TET2: variants seen among roughly 807,000 people sequenced by gnomAD.
TET2 encodes the protein methylcytosine dioxygenase TET2.
Under a neutral mutation model 142.9 loss-of-function variants are expected in TET2, and 299 were observed. The observed-to-expected ratio is 2.09, with a 90% CI of 1.90 to 2.30. The LOEUF (loss-of-function observed/expected upper bound fraction) is 2.30, where lower values mean the gene tolerates loss of function less well. Among genes scored for constraint, TET2 ranks in the 30% most tolerant of loss-of-function variants. TET2 has a pLI of 0.00. For synonymous variants in TET2, 819 were observed against 849.0 expected (o/e 0.96, Z 0.61); for missense variants, 2,418 against 2,378.0 (o/e 1.02, Z -0.35).
chr4:105,275,791 C>CA lies in TET2; in HGVS notation c.5282dup (p.His1761GlnfsTer5), dbSNP rs1731188777. 1 of 1,551,592 alleles carries CA rather than the reference C, an allele frequency of 6.4e-7. No individual in the cohort carries two copies. Among genetic ancestry groups the CA allele is most frequent in the Non-Finnish European group, 8.7e-7 (1 of 1,146,990 alleles). On this transcript the variant is annotated frameshift_variant, in exon 11 of 11. Transcript: ENST00000380013. LOFTEE classifies it low-confidence loss of function (END_TRUNC). ...AAATGGTGAACATCATTCACCTTCTCACATAATCCATAACTACAGTGCAGC... is the reference window on the plus strand; with the variant it reads ...AAATGGTGAACATCATTCACCTTCTCAACATAATCCATAACTACAGTGCAGC...
At chr4:105,157,088 C>G (rs1000349534) in intron 1 of TET2, among the ~76,000 whole-genome samples, 4 of 152,038 alleles carry the variant, frequency 2.6e-5, no homozygotes, top group African/African-American at 9.7e-5. Flanking sequence ...TGTGCACTCT[C>G]CTATATACAT....
At chr4:105,245,091 T>C (rs757170778) in intron 6 of TET2, among the ~76,000 whole-genome samples, 1 of 152,246 alleles carries the variant, frequency 6.6e-6, no homozygotes, top group Non-Finnish European at 1.5e-5. Flanking sequence ...ATGGTTTTAC[T>C]AAATTTATGT....
In TET2 at chr4:105,276,577, G is replaced by A; in HGVS notation, c.*58G>A. On this transcript the variant is annotated 3_prime_UTR_variant, in exon 11 of 11. Transcript: ENST00000380013. Reference sequence around the variant, plus strand: ...AAAGACCACAACCAACCTGTCAGTAGTATAGTTCTCATGACGTGGGCAGTG... The same window carrying A: ...AAAGACCACAACCAACCTGTCAGTAATATAGTTCTCATGACGTGGGCAGTG... 6.7e-7 allele frequency: 1 copy of A among 1,492,172 alleles called. No individual in the cohort carries two copies. The highest frequency in any genetic ancestry group is 9.0e-7 in the Non-Finnish European group (1 of 1,115,286). The allele number at this position is 1,492,172 out of a possible 1,614,324, so 92.4% of individuals were successfully genotyped here.
chr4:105,237,240 G>C lies in TET2; in HGVS notation c.3298G>C (p.Val1100Leu). 1 of 1,614,056 alleles carries C rather than the reference G, an allele frequency of 6.2e-7. No individual in the cohort carries two copies. The highest frequency in any genetic ancestry group is 8.5e-7 in the Non-Finnish European group (1 of 1,179,994). The change falls in exon 3 of 11, where the codon GTT becomes CTT. Residue 1100 changes from valine (V) to leucine (L), a missense_variant. Val to Leu is a conservative substitution (Grantham distance 32). Coordinates refer to ENST00000380013, the MANE Select transcript of TET2 (RefSeq NM_001127208.3). ...ACCAACCAAAAGAACAGCTGCTTCT[G>C]TTCTCAATAATTTTATAGAGTCACC... is the stretch of plus-strand genomic sequence containing the variant. ...KTPTKRTAASVLNNFIESPSK... is the reference protein window; with the variant it reads ...KTPTKRTAASLLNNFIESPSK...
At position 105,243,684 on chromosome 4, in the gene TET2, C is replaced by T. The variant is rs926911175; in HGVS notation, c.3709C>T (p.Pro1237Ser). 1 of 1,551,494 alleles carries T rather than the reference C, an allele frequency of 6.4e-7. No individual in the cohort carries two copies. Among genetic ancestry groups the T allele is most frequent in the Non-Finnish European group, 8.7e-7 (1 of 1,146,944 alleles). ...VILILVWEGI[P>S]LSLADKLYSE... ...TCTCATCCTGGTGTGGGAAGGAATC[C>T]CGCTGTCTCTGGCTGACAAACTCTA... The change falls in exon 6 of 11, where the codon CCG becomes TCG. Residue 1237 changes from proline (P) to serine (S), a missense_variant. By Grantham distance (74) the Pro-to-Ser change is moderately conservative. Transcript: ENST00000380013.
At chr4:105,196,559 A>G (rs1726107330) in intron 2 of TET2, among the ~76,000 whole-genome samples, 1 of 152,128 alleles carries the variant, frequency 6.6e-6, no homozygotes, top group African/African-American at 2.4e-5. Context: ...CCTCCTTACT[A>G]TATTGTCCCT....
rs375150205 is a variant in TET2 at position 105,275,568 on chromosome 4, C to T, written c.5058C>T (p.Ser1686=). Residue 1686 remains serine, a synonymous_variant, in exon 11 of 11, where the codon AGC becomes AGT. Coordinates refer to ENST00000380013, the MANE Select transcript of TET2 (RefSeq NM_001127208.3). ...TTTACCAGCCAAGGTTTGGAAATAG[C>T]CAGAGTTTTACATCTAAATACTTAG... is the stretch of plus-strand genomic sequence containing the variant. ...HTLYQPRFGN[S]QSFTSKYLGY... is the part of the protein sequence containing the mutation. 1.0e-4 allele frequency: 158 copies of T among 1,551,666 alleles called. No individual in the cohort carries two copies. Among genetic ancestry groups the T allele is most frequent in the Middle Eastern group, 5.0e-4 (3 of 5,992 alleles).
chr4:105,235,278 T>C lies in TET2; in HGVS notation c.1336T>C (p.Leu446=). The C allele has an allele frequency of 6.2e-7, 1 of 1,613,976 alleles. No homozygotes were observed. The highest frequency in any genetic ancestry group is 8.5e-7 in the Non-Finnish European group (1 of 1,179,966). ...CCCCAACCAAAGTAACACAACACTT[T>C]TAAGGGAAGTGAAAATAGAGGGTAA... The part of the protein sequence containing the change: ...HYPNQSNTTL[L]REVKIEGKPE... The change falls in exon 3 of 11, where the codon TTA becomes CTA. Residue 446 remains leucine (L), a synonymous_variant. Coordinates refer to ENST00000380013, the MANE Select transcript of TET2 (RefSeq NM_001127208.3).
chr4:105,253,139 G>A (rs1029271330), intron 6 of TET2, among the ~76,000 whole-genome samples: 3 of 152,068 alleles, frequency 2.0e-5, no homozygotes, highest in Non-Finnish European at 2.9e-5. Context: ...AGTAAAAAAA[G>A]CAGTCTGAAA....
intron 2 of TET2, among the ~76,000 whole-genome samples, chr4:105,213,991 TG>T (rs1483964550): frequency 2.0e-5 from 3 of 152,250 alleles, no homozygotes; most frequent in East Asian, 3.9e-4. Flanking sequence ...CCCGAGTAGC[TG>T]GGACTATACC....
chr4:105,163,518 A>C (rs983332128), intron 1 of TET2, among the ~76,000 whole-genome samples: 30 of 152,316 alleles, frequency 2.0e-4, no homozygotes, highest in African/African-American at 7.0e-4. Context: ...AATAATAGCT[A>C]CTATTGATTA....
At chr4:105,166,514 TCTC>T (rs1724157519) in intron 1 of TET2, among the ~76,000 whole-genome samples, 1 of 152,000 alleles carries the variant, frequency 6.6e-6, no homozygotes, top group Non-Finnish European at 1.5e-5. Context: ...TAGAGTTTCT[TCTC>T]ATTTTTCTCC....
At position 105,236,000 on chromosome 4, in the gene TET2, A is replaced by G. The variant is rs1728859933; in HGVS notation, c.2058A>G (p.Arg686=). The G allele has an allele frequency of 6.2e-7, 1 of 1,614,072 alleles. No homozygotes were observed. The highest frequency in any genetic ancestry group is 8.5e-7 in the Non-Finnish European group (1 of 1,180,044). The change falls in exon 3 of 11, where the codon AGA becomes AGG. Residue 686 remains arginine (R), a synonymous_variant. Coordinates refer to ENST00000380013, the MANE Select transcript of TET2 (RefSeq NM_001127208.3). ...GCACTAGATTTCATTTTCAACAAAG[A>G]GCAGATTCCCAAACTGAAAAACTTA... ...LCGTRFHFQQ[R]ADSQTEKLMS...
chr4:105,153,490 CTT>C (rs1163853043), intron 1 of TET2, among the ~76,000 whole-genome samples: 1 of 152,052 alleles, frequency 6.6e-6, no homozygotes, highest in East Asian at 1.9e-4. Context: ...CTTAAAAGTC[CTT>C]TTTTTGATAG....
chr4:105,198,544 A>C (rs1726237027), intron 2 of TET2, among the ~76,000 whole-genome samples: 1 of 152,232 alleles, frequency 6.6e-6, no homozygotes, highest in South Asian at 2.1e-4. Flanking sequence ...AGACCAGTTA[A>C]AGGAGACAGA....
intron 1 of TET2, among the ~76,000 whole-genome samples, chr4:105,177,420 CAA>C (rs1553944760): frequency 6.6e-6 from 1 of 152,224 alleles, no homozygotes; most frequent in Non-Finnish European, 1.5e-5. Context: ...ACAACTCTTA[CAA>C]CTCAACAGTT....
intron 2 of TET2, among the ~76,000 whole-genome samples, chr4:105,220,182 A>G (rs183203833): frequency 7.9e-5 from 12 of 152,214 alleles, no homozygotes; most frequent in Admixed American, 1.3e-4. Flanking sequence ...TAGAAATTAC[A>G]TAAAGTTCTT....
rs1560574802 is a variant in TET2 at position 105,276,436 on chromosome 4, ATGTCCG to A, written c.5929_5934del (p.Ser1977_Val1978del). On this transcript the variant is annotated inframe_deletion, in exon 11 of 11. Transcript: ENST00000380013. The stretch of plus-strand genomic sequence containing the variant: ...CATCAAGTCTCTTGCCGAAAGGACC[ATGTCCG>A]TGACCACAGACTCCACAGTAACTAC... The A allele has an allele frequency of 6.4e-7, 1 of 1,551,870 alleles. No homozygotes were observed. Among genetic ancestry groups the A allele is most frequent in the South Asian group, 1.2e-5 (1 of 84,054 alleles).
chr4:105,157,961 G>A (rs1723650343), intron 1 of TET2, among the ~76,000 whole-genome samples: 1 of 152,164 alleles, frequency 6.6e-6, no homozygotes, highest in South Asian at 2.1e-4. Context: ...ACAGGCATGA[G>A]CCATCGGCCT....
Sources: allele counts gnomAD v4.1 joint callset (sites outside exome capture counted in the v4.1 genomes callset), GRCh38; gene constraint gnomAD v4.1.1; transcripts MANE v1.5; gene names NCBI Gene and HGNC (gene_info 2026-07-23, HGNC 2026-07-21).